The following GLRB variants were observed in gnomAD, a reference collection of about 807,000 sequenced individuals.
GLRB encodes the protein glycine receptor beta.
In GLRB, 33 loss-of-function variants were observed where a neutral mutation model predicts 54.2. The ratio of observed to expected loss-of-function variants is 0.61; its 90% CI spans 0.46 to 0.81. The LOEUF is 0.81. Ranked by LOEUF, GLRB falls within the 40% of genes least tolerant of loss-of-function variation. GLRB has a pLI of 0.00. For synonymous variants in GLRB, 209 were observed against 208.2 expected, an observed-to-expected ratio of 1.00 and a Z score of -0.03; for missense variants, 572 against 584.6, an observed-to-expected ratio of 0.98 and a Z score of 0.22.
rs1579228783 is a variant in GLRB, at chr4:157,136,373, C to T, written c.298-96C>T. On this transcript the variant is annotated intron_variant, in intron 4 of 9. Coordinates refer to ENST00000264428, the MANE Select transcript of GLRB (RefSeq NM_000824.5). ...TGTTGGAAGAACAAAAATATTTGTG[C>T]CACTAATCATTGTAACCCTTTTTGT... 1.8e-5 allele frequency: 13 copies of T among 730,156 alleles called. No individual in the cohort carries two copies. In the East Asian group the frequency reaches 1.9e-4, roughly 10 times the overall value. The allele number at this position is 730,156 out of a possible 1,614,324, so 45.2% of individuals were successfully genotyped here.
At chr4:157,103,159 A>G (rs1052710885) in intron 2 of GLRB, among the ~76,000 whole-genome samples, 1 of 146,852 alleles carries the variant, frequency 6.8e-6, no homozygotes, top group Non-Finnish European at 1.5e-5. Context: ...CAAAAAAACA[A>G]AAAAAAAAAA....
At chr4:157,153,161 T>A in intron 9 of GLRB, 151 bp downstream of exon 9, 2 of 763,356 alleles carry the variant, frequency 2.6e-6, no homozygotes, top group South Asian at 1.5e-5. Context: ...ACAACACAAT[T>A]TTTGGGAAAC....
chr4:157,149,754 C>T (rs1032335319), intron 8 of GLRB, among the ~76,000 whole-genome samples: 2 of 151,988 alleles, frequency 1.3e-5, no homozygotes, highest in African/African-American at 4.8e-5. Flanking sequence ...CTTGCAATTG[C>T]TCCTTGACCT....
At chr4:157,114,350 T>C (rs1735529467) in intron 2 of GLRB, among the ~76,000 whole-genome samples, 1 of 151,732 alleles carries the variant, frequency 6.6e-6, no homozygotes, top group Admixed American at 6.6e-5. Flanking sequence ...TCTTTTTTTT[T>C]TTTCAAATAA....
chr4:157,125,206 A>G (rs1205622258), intron 4 of GLRB, among the ~76,000 whole-genome samples: 1 of 151,934 alleles, frequency 6.6e-6, no homozygotes, highest in East Asian at 1.9e-4. Flanking sequence ...ATGAGAGGAT[A>G]CTTCTTCAAA....
chr4:157,161,336 G>T (rs991668151), intron 9 of GLRB, among the ~76,000 whole-genome samples: 1 of 152,094 alleles, frequency 6.6e-6, no homozygotes, highest in Non-Finnish European at 1.5e-5. Flanking sequence ...TTACATTTAA[G>T]GTTAATATTG....
At chr4:157,078,353 CT>C in intron 2 of GLRB, 1 of 379,574 alleles carries the variant, frequency 2.6e-6, no homozygotes, top group Non-Finnish European at 3.6e-6. Context: ...TTATAGTTTT[CT>C]TTTTTTAAAT....
intron 9 of GLRB, among the ~76,000 whole-genome samples, chr4:157,155,757 A>C (rs556706905): frequency 6.6e-6 from 1 of 152,024 alleles, no homozygotes; most frequent in Non-Finnish European, 1.5e-5. Context: ...TAATTATGAC[A>C]TGTCTCTGTG....
In GLRB at chr4:157,143,904, C is replaced by A. The variant is rs1245752939; in HGVS notation, c.849C>A (p.Leu283=). The part of the protein sequence containing the change: ...VYAPTLLIVV[L]SWLSFWINPD... ...CCCCAACTCTGCTCATTGTTGTTCT[C>A]TCCTGGCTTTCCTTCTGGATCAACC... Residue 283 remains leucine, a synonymous_variant, in exon 8 of 10, where the codon CTC becomes CTA. Transcript: ENST00000264428. 1 of 1,614,070 alleles carries A rather than the reference C, an allele frequency of 6.2e-7. No homozygotes were observed. Among genetic ancestry groups the A allele is most frequent in the African/African-American group, 1.3e-5 (1 of 75,050 alleles).
intron 2 of GLRB, among the ~76,000 whole-genome samples, chr4:157,093,352 AAT>A (rs2126457744): frequency 6.6e-6 from 1 of 152,336 alleles, no homozygotes; most frequent in Non-Finnish European, 1.5e-5. Flanking sequence ...GTCAGGAGAC[AAT>A]ATATGATTTA....
chr4:157,124,884 T>TGCTTCCA (rs1735961846), intron 4 of GLRB, among the ~76,000 whole-genome samples: 1 of 151,924 alleles, frequency 6.6e-6, no homozygotes, highest in Non-Finnish European at 1.5e-5. Flanking sequence ...TATTCTTTTT[T>TGCTTCCA]GCTTCCAGCA....
intron 2 of GLRB, among the ~76,000 whole-genome samples, chr4:157,085,598 G>A (rs1388140856): frequency 6.6e-6 from 1 of 152,070 alleles, no homozygotes; most frequent in African/African-American, 2.4e-5. Flanking sequence ...CTGGGTTCAA[G>A]TGATTCTCCT....
chr4:157,153,943 G>A (rs1409992511), intron 9 of GLRB, among the ~76,000 whole-genome samples: 4 of 152,230 alleles, frequency 2.6e-5, no homozygotes, highest in Middle Eastern at 3.4e-3. Context: ...TACCGCATGC[G>A]GTTCTTAGAT....
chr4:157,107,725 C>A (rs1735277060), intron 2 of GLRB, among the ~76,000 whole-genome samples: 3 of 152,050 alleles, frequency 2.0e-5, no homozygotes, highest in Admixed American at 2.0e-4. Context: ...GAAGCCACAG[C>A]AAGTTATCCA....
chr4:157,150,413 T>G (rs1736976380), intron 8 of GLRB, among the ~76,000 whole-genome samples: 1 of 152,082 alleles, frequency 6.6e-6, no homozygotes, highest in African/African-American at 2.4e-5. Flanking sequence ...TGTGTGGAAT[T>G]ATGAATACTC....
chr4:157,144,016 T>G lies in GLRB; in HGVS notation c.904+57T>G. 2.7e-6 allele frequency: 4 copies of G among 1,499,828 alleles called. No homozygotes were observed. The African/African-American group carries it at 4.1e-5, about 15-fold the overall frequency. 92.9% of individuals were successfully genotyped at this position (1,499,828 alleles called of 1,614,324 possible). On this transcript the variant is annotated intron_variant, in intron 8 of 9. Transcript: ENST00000264428. ...GGAACAGATTATATCTTTATCTAAC[T>G]TACCATATAATCAACTACTTTGAAA...
chr4:157,108,906 C>T (rs1432754381), intron 2 of GLRB, among the ~76,000 whole-genome samples: 1 of 152,082 alleles, frequency 6.6e-6, no homozygotes, highest in East Asian at 1.9e-4. Context: ...CTTCAGCAAG[C>T]ACCACTTTGA....
chr4:157,131,153 T>C (rs1214652073), intron 4 of GLRB, among the ~76,000 whole-genome samples: 1 of 151,758 alleles, frequency 6.6e-6, no homozygotes, highest in African/African-American at 2.4e-5. Context: ...TCCTGGAGAA[T>C]CACAGGCACT....
chr4:157,080,438 A>G (rs918717356), intron 2 of GLRB, among the ~76,000 whole-genome samples: 3 of 152,190 alleles, frequency 2.0e-5, no homozygotes, highest in African/African-American at 7.2e-5. Flanking sequence ...TTGGAGAGTT[A>G]GAGTTGTATA....
Sources: allele counts gnomAD v4.1 joint callset (sites outside exome capture counted in the v4.1 genomes callset), GRCh38; gene constraint gnomAD v4.1.1; transcripts MANE v1.5; gene names NCBI Gene and HGNC (gene_info 2026-07-23, HGNC 2026-07-21).